UGT2B4: variants seen among roughly 807,000 people sequenced by gnomAD.
UGT2B4 encodes UDP-glucuronosyltransferase 2B4.
In UGT2B4, 49 loss-of-function variants were observed where a neutral mutation model predicts 49.8. The observed-to-expected ratio is 0.98, with a 90% CI of 0.78 to 1.25. UGT2B4 has a LOEUF of 1.25. Among genes scored for constraint, UGT2B4 ranks in the 50% most tolerant of loss-of-function variants. The pLI is 0.00. For missense variants in UGT2B4, 729 were observed against 627.7 expected (o/e 1.16, Z -1.73); for synonymous variants, 246 against 217.7 (o/e 1.13, Z -1.14).
At chr4:69,490,996 T>C (rs1215123647) in intron 2 of UGT2B4, among the ~76,000 whole-genome samples, 1 of 152,182 alleles carries the variant, frequency 6.6e-6, no homozygotes, top group Non-Finnish European at 1.5e-5. Flanking sequence ...ACTATGTATG[T>C]AAGGTATTTT....
chr4:69,483,997 A>C (rs181484622), intron 5 of UGT2B4, among the ~76,000 whole-genome samples: 1 of 152,326 alleles, frequency 6.6e-6, no homozygotes. Flanking sequence ...TTCAAAGATT[A>C]AAATAGACAT....
chr4:69,503,743 C>G (rs1205536024), intron 1 of UGT2B4, among the ~76,000 whole-genome samples: 1 of 152,220 alleles, frequency 6.6e-6, no homozygotes, highest in African/African-American at 2.4e-5. Context: ...CACACAGTCT[C>G]CAGCAGGGGC....
intron 3 of UGT2B4, among the ~76,000 whole-genome samples, chr4:69,488,867 C>A (rs1407201301): frequency 6.6e-6 from 1 of 152,028 alleles, no homozygotes; most frequent in Non-Finnish European, 1.5e-5. Context: ...CGGATCCTTA[C>A]ACTAGTTGTC....
At chr4:69,482,498 C>A (rs1727623551) in intron 5 of UGT2B4, among the ~76,000 whole-genome samples, 1 of 152,148 alleles carries the variant, frequency 6.6e-6, no homozygotes, top group South Asian at 2.1e-4. Context: ...TTTCCTGGAC[C>A]ATTTTAGTCA....
intron 1 of UGT2B4, among the ~76,000 whole-genome samples, chr4:69,502,369 C>CA (rs1483507032): frequency 2.6e-5 from 4 of 151,630 alleles, no homozygotes; most frequent in Admixed American, 2.6e-4. Flanking sequence ...TTAGACCTCC[C>CA]AACTGGGGTC....
In UGT2B4 at chr4:69,495,214, A is replaced by G. The variant is rs771804194; in HGVS notation, c.648T>C (p.Tyr216=). 14 of 1,607,344 alleles carry G rather than the reference A, an allele frequency of 8.7e-6. No individual in the cohort carries two copies. In the Admixed American group the frequency reaches 2.2e-4, roughly 26 times the overall value. ...GGAACCAAAATTCAAAATAAAGCAC[A>G]TAGATCATATTTTTTACCCTCTCTA... ...TFIERVKNMI[Y]VLYFEFWFQI... is the part of the protein sequence containing the mutation. The change falls in exon 1 of 6, where the codon TAT becomes TAC. Residue 216 remains tyrosine (Y), a synonymous_variant. Transcript: ENST00000305107.
At chr4:69,511,309 T>A (rs1039758883) in intron 1 of UGT2B4, among the ~76,000 whole-genome samples, 1 of 152,094 alleles carries the variant, frequency 6.6e-6, no homozygotes, top group African/African-American at 2.4e-5. Flanking sequence ...TATTTTAAGG[T>A]AATTTCCTTC....
At chr4:69,525,915 C>T in exon 1 of UGT2B4, 1 of 211,638 alleles carries the variant, frequency 4.7e-6, no homozygotes, top group Non-Finnish European at 9.6e-6. Flanking sequence ...TCCTGGCTAA[C>T]ACGGTGAAAC....
At chr4:69,501,566 G>A (rs544496303) in intron 1 of UGT2B4, among the ~76,000 whole-genome samples, 4 of 152,284 alleles carry the variant, frequency 2.6e-5, no homozygotes, top group Non-Finnish European at 5.9e-5. Context: ...CTACAAAAAT[G>A]TGTGAGCAGA....
chr4:69,510,335 A>G (rs1728574932), intron 1 of UGT2B4, among the ~76,000 whole-genome samples: 1 of 152,166 alleles, frequency 6.6e-6, no homozygotes, highest in Admixed American at 6.5e-5. Flanking sequence ...CAGCTCCTTC[A>G]TGAGTCTTTA....
intron 1 of UGT2B4, among the ~76,000 whole-genome samples, chr4:69,506,294 TA>T (rs1728465493): frequency 6.6e-6 from 1 of 152,018 alleles, no homozygotes; most frequent in Admixed American, 6.6e-5. Context: ...AGAATCTGGG[TA>T]TTTTTTTGAA....
chr4:69,503,369 A>G (rs1449838282), intron 1 of UGT2B4, among the ~76,000 whole-genome samples: 2 of 152,176 alleles, frequency 1.3e-5, no homozygotes, highest in South Asian at 2.1e-4. Flanking sequence ...CCCAGTCTAC[A>G]TGTTCTCTCC....
At chr4:69,499,585 C>T (rs1230646252), upstream of UGT2B4, among the ~76,000 whole-genome samples, 2 of 152,150 alleles carry the variant, frequency 1.3e-5, no homozygotes, top group African/African-American at 4.8e-5. Flanking sequence ...GTTAGCTCTT[C>T]TTGTTGAATT....
In UGT2B4 at chr4:69,486,723, T is replaced by C. The variant is rs1267086242; in HGVS notation, c.1003-27A>G. The C allele has an allele frequency of 1.1e-5, 17 of 1,530,034 alleles. No individual in the cohort carries two copies. In the Admixed American group the frequency reaches 3.2e-4, roughly 29 times the overall value. 94.8% of individuals were successfully genotyped at this position (1,530,034 alleles called of 1,614,324 possible). ...TGTTACAGTGAAGAAAATATCTTATTCCATGAGTGGAACTCAAAAGTCATA... is the reference window on the plus strand; with the variant it reads ...TGTTACAGTGAAGAAAATATCTTATCCCATGAGTGGAACTCAAAAGTCATA... On this transcript the variant is annotated intron_variant, in intron 3 of 5. Transcript: ENST00000305107.
At chr4:69,504,744 C>T (rs191353496) in intron 1 of UGT2B4, among the ~76,000 whole-genome samples, 1 of 151,910 alleles carries the variant, frequency 6.6e-6, no homozygotes, top group East Asian at 1.9e-4. Context: ...TCAGAAAATG[C>T]AGAGAACCCC....
intron 2 of UGT2B4, among the ~76,000 whole-genome samples, chr4:69,490,976 A>G (rs777401673): frequency 1.3e-5 from 2 of 152,196 alleles, no homozygotes; most frequent in East Asian, 3.8e-4. Flanking sequence ...CAACTTTAAA[A>G]TAATAATACA....
intron 5 of UGT2B4, among the ~76,000 whole-genome samples, chr4:69,483,207 TC>T (rs1403525174): frequency 6.6e-6 from 1 of 152,130 alleles, no homozygotes; most frequent in Non-Finnish European, 1.5e-5. Flanking sequence ...TTATAATTTC[TC>T]ACATTCACTA....
At chr4:69,500,515 G>A (rs79292442), upstream of UGT2B4, among the ~76,000 whole-genome samples, 74 of 95,346 alleles carry the variant, frequency 7.8e-4, no homozygotes, top group Middle Eastern at 6.4e-3. Flanking sequence ...AAGGAAGGAA[G>A]GAAAGAAAGA....
chr4:69,502,085 TTCTC>T (rs760287850), intron 1 of UGT2B4, among the ~76,000 whole-genome samples: 15,266 of 82,154 alleles, frequency 0.19, 2,341 homozygotes, highest in Middle Eastern at 0.22. Flanking sequence ...CTTTCTTTCT[TTCTC>T]TCTCTTTCTT....
Sources: allele counts gnomAD v4.1 joint callset (sites outside exome capture counted in the v4.1 genomes callset), GRCh38; gene constraint gnomAD v4.1.1; transcripts MANE v1.5; gene names NCBI Gene and HGNC (gene_info 2026-07-23, HGNC 2026-07-21).